Variants in BAHD1 observed in about 807,000 individuals in gnomAD.
BAHD1 encodes the protein bromo adjacent homology domain containing 1, also known as bromo adjacent homology domain-containing 1 protein.
In BAHD1, 20 loss-of-function variants were observed where a neutral mutation model predicts 63.1. The observed-to-expected ratio is 0.32, with a 90% CI of 0.22 to 0.46. BAHD1 has a LOEUF of 0.46. Ranked by LOEUF, BAHD1 falls within the 20% of genes least tolerant of loss-of-function variation. BAHD1 has a pLI of 1.00. For synonymous variants in BAHD1, 408 were observed against 426.8 expected (o/e 0.96, Z 0.54); for missense variants, 939 against 1,071.8 (o/e 0.88, Z 1.73).
rs199875339 is a variant in BAHD1 at position 40,461,051 on chromosome 15, A to C, written c.1433-861A>C. Among the ~76,000 whole-genome samples the C allele has an allele frequency of 7.9e-5, 12 of 152,002 alleles. No individual in the cohort carries two copies. The East Asian group carries it at 2.1e-3, about 27-fold the overall frequency. On this transcript the variant is annotated intron_variant, in intron 2 of 6. Coordinates refer to ENST00000416165, the MANE Select transcript of BAHD1 (RefSeq NM_014952.5). ...CTGCTTGGCATGTAATTGAGCACAG[A>C]CTCCGAAGCCAGACTGCCTGGAGTG...
At position 40,467,610 on chromosome 15, in the gene BAHD1, CCCAACTTG is replaced by C. The variant is rs1446884145; in HGVS notation, c.*1484_*1491del. ...GGTGGAAATGAACCCTGAGGGCTCC[CCCAACTTG>C]CCATGCCCTGTCCCTTAGTAGATGA... On this transcript the variant is annotated 3_prime_UTR_variant, in exon 7 of 7. Coordinates refer to ENST00000416165, the MANE Select transcript of BAHD1 (RefSeq NM_014952.5). The C allele has an allele frequency of 6.5e-6, 1 of 152,820 alleles. No homozygotes were observed. The highest frequency in any genetic ancestry group is 2.4e-5 in the African/African-American group (1 of 41,432). 9.5% of individuals were successfully genotyped at this position (152,820 alleles called of 1,614,324 possible). A position where few individuals can be genotyped will look rare whatever the true frequency, so the allele number is the denominator to read the frequency against.
chr15:40,458,061 G>A lies in BAHD1; in HGVS notation c.-14-390G>A, dbSNP rs1050681846. 2.6e-5 allele frequency among the ~76,000 whole-genome samples: 4 copies of A among 152,140 alleles called. No individual in the cohort carries two copies. The highest frequency in any genetic ancestry group is 5.9e-5 in the Non-Finnish European group (4 of 68,024). On this transcript the variant is annotated intron_variant, in intron 1 of 6. Coordinates refer to ENST00000416165, the MANE Select transcript of BAHD1 (RefSeq NM_014952.5). This position sits in a 1 kb window ranked among gnomAD's most constrained non-coding sequence, Gnocchi z 4.7. ...TCTACCACCCAGTCCCCCATCTTGG[G>A]AGGCTCTGTCTTCAGAGCCTCTTCC...
chr15:40,462,436 A>G (rs911960329), intron 3 of BAHD1, 142 bp downstream of exon 3: 8 of 1,242,830 alleles, frequency 6.4e-6, no homozygotes, highest in African/African-American at 1.5e-5. Flanking sequence ...TACCCCAGGA[A>G]CCAGTCATGC....
chr15:40,454,864 C>T (rs948037790), intron 1 of BAHD1, among the ~76,000 whole-genome samples: 1 of 152,130 alleles, frequency 6.6e-6, no homozygotes, highest in African/African-American at 2.4e-5. Context: ...ACCAAGCCTA[C>T]CACTTTGCTG....
upstream of BAHD1, among the ~76,000 whole-genome samples, chr15:40,439,209 G>A (rs1332596889): frequency 6.6e-6 from 1 of 152,158 alleles, no homozygotes; most frequent in East Asian, 1.9e-4. Flanking sequence ...CTGGACCTTC[G>A]AGACATTTCC....
intron 2 of BAHD1, among the ~76,000 whole-genome samples, chr15:40,461,385 C>A (rs987817144): frequency 6.6e-6 from 1 of 152,088 alleles, no homozygotes; most frequent in Admixed American, 6.5e-5. Flanking sequence ...TGCCTGTAAT[C>A]CTAGCACTTT....
In BAHD1 at chr15:40,458,841, C is replaced by T. The variant is rs1484265108; in HGVS notation, c.377C>T (p.Ala126Val). ...KRRLASLNAEALNNLLLERED... is the reference protein window; with the variant it reads ...KRRLASLNAEVLNNLLLERED... ...CGCCTGGCCTCCCTCAATGCTGAAGCTCTCAATAACCTGCTGCTGGAGCGA... is the reference window on the plus strand; with the variant it reads ...CGCCTGGCCTCCCTCAATGCTGAAGTTCTCAATAACCTGCTGCTGGAGCGA... Residue 126 changes from alanine (A) to valine (V), a missense_variant, in exon 2 of 7, where the codon GCT becomes GTT. Physicochemically the swap from Ala to Val is moderately conservative, Grantham distance 64 (BLOSUM62 0). Transcript: ENST00000416165. The surrounding 1 kb of genome is among the most constrained non-coding windows in gnomAD (Gnocchi z 4.7). 2 of 1,611,738 alleles carry T rather than the reference C, an allele frequency of 1.2e-6. No homozygotes were observed. Among genetic ancestry groups the T allele is most frequent in the East Asian group, 2.2e-5 (1 of 44,860 alleles).
chr15:40,438,160 A>T (rs1213909350), upstream of BAHD1, among the ~76,000 whole-genome samples: 1 of 151,526 alleles, frequency 6.6e-6, no homozygotes, highest in Non-Finnish European at 1.5e-5. Flanking sequence ...CTGCCCAGTG[A>T]AGTGGGGTGG....
At chr15:40,446,999 A>G (rs1222805097) in intron 1 of BAHD1, among the ~76,000 whole-genome samples, 1 of 152,320 alleles carries the variant, frequency 6.6e-6, no homozygotes, top group South Asian at 2.1e-4. Context: ...CCTGTCCACA[A>G]TGTTTAGGAA....
At chr15:40,442,851 A>C (rs1189917648) in intron 1 of BAHD1, among the ~76,000 whole-genome samples, 1 of 151,820 alleles carries the variant, frequency 6.6e-6, no homozygotes, top group African/African-American at 2.4e-5. Context: ...GTCTTCCACA[A>C]AAAAAAAGAA....
chr15:40,442,614 G>A (rs1893435888), intron 1 of BAHD1, among the ~76,000 whole-genome samples: 1 of 152,108 alleles, frequency 6.6e-6, no homozygotes, highest in Non-Finnish European at 1.5e-5. Flanking sequence ...TGTTAGAAGT[G>A]CAGAAGACTA....
At chr15:40,463,725 G>C (rs908283623) in intron 3 of BAHD1, 136 bp from the exon 4 acceptor site, 1 of 937,096 alleles carries the variant, frequency 1.1e-6, no homozygotes, top group African/African-American at 1.7e-5. Flanking sequence ...ATCCAAAAAA[G>C]GATAGTGGTT....
chr15:40,452,046 T>A (rs535716236), intron 1 of BAHD1, among the ~76,000 whole-genome samples: 1 of 152,240 alleles, frequency 6.6e-6, no homozygotes, highest in South Asian at 2.1e-4. Context: ...CTTCTAGATA[T>A]GAGAGGTATA....
rs760136146 is a variant in BAHD1, at chr15:40,462,093, C to T, written c.1614C>T (p.Ser538=). The part of the protein sequence containing the change: ...PQTVARACPQ[S]AKPPSGSKSG... ...CAGTAGCCCGTGCGTGCCCTCAGAG[C>T]GCCAAACCTCCCAGCGGTTCTAAGT... Residue 538 remains serine, a synonymous_variant, in exon 3 of 7, where the codon AGC becomes AGT. Transcript: ENST00000416165. 1.8e-5 allele frequency: 29 copies of T among 1,613,256 alleles called. No homozygotes were observed. In the East Asian group the frequency reaches 2.0e-4, roughly 11 times the overall value.
chr15:40,441,506 C>T (rs1164226212), intron 1 of BAHD1, among the ~76,000 whole-genome samples: 2 of 150,962 alleles, frequency 1.3e-5, no homozygotes, highest in East Asian at 3.9e-4. Context: ...CACCACGGTC[C>T]CGCCATCGGG....
intron 2 of BAHD1, among the ~76,000 whole-genome samples, chr15:40,461,477 A>C (rs908550323): frequency 6.6e-6 from 1 of 152,046 alleles, no homozygotes; most frequent in Non-Finnish European, 1.5e-5. Context: ...ATCTCTACTA[A>C]ACATACAAAA....
chr15:40,464,431 G>A, intron 4 of BAHD1, 40 bp from the exon 5 acceptor site: 2 of 1,564,434 alleles, frequency 1.3e-6, no homozygotes, highest in East Asian at 4.6e-5. Flanking sequence ...AGTAACTCAG[G>A]TTGCCAGTTC....
intron 1 of BAHD1, among the ~76,000 whole-genome samples, chr15:40,448,114 C>T (rs1051633014): frequency 2.0e-5 from 3 of 151,966 alleles, no homozygotes; most frequent in Admixed American, 1.3e-4. Flanking sequence ...TGGTGGTATG[C>T]GCCTGTAGTC....
chr15:40,442,976 C>A (rs1328595219), intron 1 of BAHD1, among the ~76,000 whole-genome samples: 1 of 152,210 alleles, frequency 6.6e-6, no homozygotes, highest in Non-Finnish European at 1.5e-5. Context: ...CCCCGGTGAC[C>A]AGCTGTGAGC....
Sources: gnomAD v4.1 joint callset for allele counts (sites outside exome capture counted in the v4.1 genomes callset) on GRCh38, gnomAD v4.1.1 for gene constraint, Gnocchi (gnomAD v3.1) non-coding constraint, MANE v1.5 for transcripts, NCBI Gene and HGNC (gene_info 2026-07-23, HGNC 2026-07-21) for gene names.